Variants in PPM1E observed in about 807,000 individuals in gnomAD.
PPM1E encodes protein phosphatase, Mg2+/Mn2+ dependent 1E.
In PPM1E, 20 loss-of-function variants were observed where a neutral mutation model predicts 65.9. That is an observed-to-expected ratio of 0.30 (90% CI 0.21 to 0.44). The LOEUF is 0.44. Among genes scored for constraint, PPM1E ranks in the 20% least tolerant of loss-of-function variants. The pLI, the probability that PPM1E is intolerant of heterozygous loss-of-function variation, is 1.00. For synonymous variants in PPM1E, 352 were observed against 374.9 expected, an observed-to-expected ratio of 0.94 and a Z score of 0.70; for missense variants, 713 against 953.1, an observed-to-expected ratio of 0.75 and a Z score of 3.32.
intron 1 of PPM1E, among the ~76,000 whole-genome samples, chr17:58,894,925 G>T (rs1490045953): frequency 6.6e-6 from 1 of 151,970 alleles, no homozygotes; most frequent in South Asian, 2.1e-4. Context: ...TTGCTTTATT[G>T]CTCTTCACAG....
intron 1 of PPM1E, among the ~76,000 whole-genome samples, chr17:58,798,547 T>A (rs1240224961): frequency 2.0e-5 from 3 of 149,858 alleles, no homozygotes; most frequent in Non-Finnish European, 3.0e-5. Flanking sequence ...TTTTTTTTTT[T>A]ACGCAATAGT....
chr17:58,954,572 C>T (rs1024837646), intron 1 of PPM1E, among the ~76,000 whole-genome samples: 1 of 152,058 alleles, frequency 6.6e-6, no homozygotes, highest in African/African-American at 2.4e-5. Flanking sequence ...TTAGATATAA[C>T]AAGCTCTCAA....
At chr17:58,879,250 A>G (rs1404682862) in intron 1 of PPM1E, among the ~76,000 whole-genome samples, 1 of 140,454 alleles carries the variant, frequency 7.1e-6, no homozygotes, top group Admixed American at 7.3e-5. Flanking sequence ...GCAAAAGGCT[A>G]CTTGGAGTGC....
At chr17:58,860,128 A>G (rs2050923490) in intron 1 of PPM1E, among the ~76,000 whole-genome samples, 1 of 152,240 alleles carries the variant, frequency 6.6e-6, no homozygotes, top group Admixed American at 6.5e-5. Flanking sequence ...CAGTTGTGGC[A>G]GAAAGATGGA....
chr17:58,965,673 G>A (rs542830783), intron 2 of PPM1E, 21 bp from the exon 3 acceptor site: 3 of 1,608,036 alleles, frequency 1.9e-6, no homozygotes, highest in Admixed American at 1.7e-5. Context: ...TTCATTGGGG[G>A]TTTCTGTGTT....
intron 1 of PPM1E, among the ~76,000 whole-genome samples, chr17:58,895,913 A>C (rs2051407780): frequency 6.7e-6 from 1 of 149,954 alleles, no homozygotes; most frequent in African/African-American, 2.5e-5. Context: ...AGACCATCCT[A>C]GCTAACACGG....
chr17:58,895,292 G>T (rs923374558), intron 1 of PPM1E, among the ~76,000 whole-genome samples: 1 of 152,024 alleles, frequency 6.6e-6, no homozygotes, highest in Non-Finnish European at 1.5e-5. Context: ...TTGAAATTAG[G>T]CCAGTTAATA....
intron 1 of PPM1E, among the ~76,000 whole-genome samples, chr17:58,849,549 C>CAGGTTGTTCAGTTTCCATGT (rs1220849235): frequency 1.3e-5 from 2 of 152,174 alleles, no homozygotes; most frequent in Non-Finnish European, 2.9e-5. Context: ...CATTCAGGAT[C>CAGGTTGTTCAGTTTCCATGT]AGGTTGTTCA....
intron 1 of PPM1E, among the ~76,000 whole-genome samples, chr17:58,842,325 G>A (rs1172969001): frequency 6.6e-6 from 1 of 152,116 alleles, no homozygotes; most frequent in Non-Finnish European, 1.5e-5. Flanking sequence ...AACAGAAAAA[G>A]GACATTAAGT....
rs2031332816 is a variant in PPM1E, at chr17:58,981,078, A to G, written c.*47A>G. ...CTAGCTCTCCCCCAATAAAAATACC[A>G]CTATCAGAGTAGAAACAAGGTAGAC... On this transcript the variant is annotated 3_prime_UTR_variant, in exon 7 of 7. Transcript: ENST00000308249. 5 of 1,313,176 alleles carry G rather than the reference A, an allele frequency of 3.8e-6. No individual in the cohort carries two copies. The highest frequency in any genetic ancestry group is 5.3e-6 in the Non-Finnish European group (5 of 947,888). 81.3% of individuals were successfully genotyped at this position (1,313,176 alleles called of 1,614,324 possible).
rs774358576 is a variant in PPM1E, at chr17:58,982,968, T to C, written c.*1937T>C. 5 of 1,530,782 alleles carry C rather than the reference T, an allele frequency of 3.3e-6. No homozygotes were observed. In the South Asian group the frequency reaches 3.6e-5, roughly 11 times the overall value. The allele number at this position is 1,530,782 out of a possible 1,614,324, so 94.8% of individuals were successfully genotyped here. A position where few individuals can be genotyped will look rare whatever the true frequency, so the allele number is the denominator to read the frequency against. On this transcript the variant is annotated 3_prime_UTR_variant, in exon 7 of 7. Transcript: ENST00000308249. ...GGCAGCAGACTATTGGTACACATTA[T>C]AGTCCAAAGTGCTTAGCGAAGTAAA...
intron 1 of PPM1E, among the ~76,000 whole-genome samples, chr17:58,867,838 A>C (rs2051022866): frequency 6.6e-6 from 1 of 152,120 alleles, no homozygotes; most frequent in Admixed American, 6.5e-5. Context: ...TATCAAATGC[A>C]TGGGGGCTGA....
At chr17:58,917,071 G>T (rs1032196058) in intron 1 of PPM1E, among the ~76,000 whole-genome samples, 1 of 151,938 alleles carries the variant, frequency 6.6e-6, no homozygotes, top group Admixed American at 6.6e-5. Flanking sequence ...TTATCCGGGC[G>T]TGGTTGTTCA....
chr17:58,973,363 G>C (rs1000002406), intron 6 of PPM1E, among the ~76,000 whole-genome samples: 2 of 151,252 alleles, frequency 1.3e-5, no homozygotes, highest in Non-Finnish European at 1.5e-5. Flanking sequence ...GTTGCAGCTA[G>C]TGGAGATCGC....
chr17:58,839,149 G>C (rs531567510), intron 1 of PPM1E, among the ~76,000 whole-genome samples: 2 of 152,010 alleles, frequency 1.3e-5, no homozygotes, highest in African/African-American at 2.4e-5. Context: ...AGCACAAAAA[G>C]TTAACCTCAG....
intron 1 of PPM1E, among the ~76,000 whole-genome samples, chr17:58,873,565 G>GTATTATTATTAT (rs140125879): frequency 1.5e-3 from 216 of 141,018 alleles, no homozygotes; most frequent in South Asian, 3.0e-3. Context: ...AATGCTCATA[G>GTATTATTATTAT]TATTATTATT....
intron 1 of PPM1E, among the ~76,000 whole-genome samples, chr17:58,786,846 A>C (rs2050105655): frequency 6.6e-6 from 1 of 152,218 alleles, no homozygotes; most frequent in Admixed American, 6.5e-5. Flanking sequence ...ATTTAAGTTT[A>C]ATATTTATTA....
intron 1 of PPM1E, among the ~76,000 whole-genome samples, chr17:58,783,521 G>A (rs2050068999): frequency 6.6e-6 from 1 of 152,150 alleles, no homozygotes; most frequent in Non-Finnish European, 1.5e-5. Flanking sequence ...CTACCTTTGA[G>A]AAAATTGGCG....
intron 2 of PPM1E, among the ~76,000 whole-genome samples, chr17:58,957,111 T>C (rs2029887380): frequency 6.6e-6 from 1 of 152,206 alleles, no homozygotes; most frequent in African/African-American, 2.4e-5. Context: ...GATTAAATTC[T>C]GCTTCACTCC....
Sources: allele counts gnomAD v4.1 joint callset (sites outside exome capture counted in the v4.1 genomes callset), GRCh38; gene constraint gnomAD v4.1.1; transcripts MANE v1.5; gene names NCBI Gene and HGNC (gene_info 2026-07-23, HGNC 2026-07-21).